The following CORO1C variants were observed in gnomAD, a reference collection of about 807,000 sequenced individuals.
CORO1C encodes the protein coronin 1C.
A neutral mutation model predicts 51.2 loss-of-function variants in CORO1C; 14 were observed. The ratio of observed to expected loss-of-function variants is 0.27; its 90% CI spans 0.18 to 0.43. The LOEUF (loss-of-function observed/expected upper bound fraction) is 0.43. Among genes scored for constraint, CORO1C ranks in the 20% least tolerant of loss-of-function variants. The pLI, the probability that CORO1C is intolerant of heterozygous loss-of-function variation, is 1.00. For missense variants in CORO1C, 417 were observed against 607.8 expected (o/e 0.69, Z 3.30); for synonymous variants, 181 against 210.5 (o/e 0.86, Z 1.21).
intron 6 of CORO1C, 25 bp downstream of exon 6, chr12:108,657,279 A>G (rs1224517875): frequency 6.2e-6 from 10 of 1,608,426 alleles, no homozygotes; most frequent in African/African-American, 5.4e-5. Flanking sequence ...AGTGAAAGCA[A>G]GTGGAAAGCC....
chr12:108,698,782 C>T (rs933521093), intron 2 of CORO1C, among the ~76,000 whole-genome samples: 5 of 152,218 alleles, frequency 3.3e-5, no homozygotes, highest in Non-Finnish European at 7.3e-5. Context: ...AGAGACACAT[C>T]CACGTCCCAC....
intron 3 of CORO1C, chr12:108,668,346 A>G (rs142546420): frequency 3.7e-4 from 56 of 152,336 alleles, no homozygotes; most frequent in African/African-American, 1.2e-3. Context: ...CCCAGATGCA[A>G]TCTGTACAAA....
intron 1 of CORO1C, among the ~76,000 whole-genome samples, chr12:108,726,877 G>A (rs1246806240): frequency 2.6e-5 from 4 of 152,272 alleles, no homozygotes; most frequent in East Asian, 1.9e-4. Context: ...GAACCTGGAC[G>A]AGAATGTTCT....
chr12:108,647,292 T>C lies in CORO1C; in HGVS notation c.*111A>G, dbSNP rs2032402268. On this transcript the variant is annotated 3_prime_UTR_variant, in exon 11 of 11. Coordinates refer to ENST00000261401, the MANE Select transcript of CORO1C (RefSeq NM_014325.4). ...TGGTTGACAAATCTGAAATGGAATG[T>C]CTCCAAATGGCAGTGCCTCCCTTTC... 1 of 942,042 alleles carries C rather than the reference T, an allele frequency of 1.1e-6. No homozygotes were observed. Among genetic ancestry groups the C allele is most frequent in the Admixed American group, 2.9e-5 (1 of 35,016 alleles). The allele number at this position is 942,042 out of a possible 1,614,324, so 58.4% of individuals were successfully genotyped here.
intron 1 of CORO1C, among the ~76,000 whole-genome samples, chr12:108,728,498 ATGAAAATGTTC>A (rs1377189936): frequency 6.6e-6 from 1 of 152,026 alleles, no homozygotes; most frequent in Non-Finnish European, 1.5e-5. Flanking sequence ...TTTGGGGGGG[ATGAAAATGTTC>A]TAAAATTGAC....
At chr12:108,698,431 G>A (rs955399461) in intron 2 of CORO1C, among the ~76,000 whole-genome samples, 4 of 152,162 alleles carry the variant, frequency 2.6e-5, no homozygotes, top group East Asian at 1.9e-4. Flanking sequence ...TTTTTGAGAC[G>A]GAGTCTCACT....
chr12:108,692,794 C>CTTTTTTT (rs11447073), intron 2 of CORO1C, among the ~76,000 whole-genome samples: 6 of 111,662 alleles, frequency 5.4e-5, no homozygotes, highest in Admixed American at 1.0e-4. Flanking sequence ...TAGACCACAG[C>CTTTTTTT]TTTTTTTTTT....
At chr12:108,662,202 CT>C in intron 3 of CORO1C, 44 bp from the exon 4 acceptor site, 1 of 1,579,758 alleles carries the variant, frequency 6.3e-7, no homozygotes, top group Non-Finnish European at 8.7e-7. Context: ...AAGCTATTGC[CT>C]TTCATTATCA....
Position 108,647,298 on chromosome 12 carries a change from A to T in CORO1C, c.*105T>A. On this transcript the variant is annotated 3_prime_UTR_variant, in exon 11 of 11. Transcript: ENST00000261401. ...ACAAATCTGAAATGGAATGTCTCCA[A>T]ATGGCAGTGCCTCCCTTTCCGCCCT... The T allele has an allele frequency of 9.8e-7, 1 of 1,025,450 alleles. No homozygotes were observed. Among genetic ancestry groups the T allele is most frequent in the Non-Finnish European group, 1.4e-6 (1 of 721,452 alleles). The allele number at this position is 1,025,450 out of a possible 1,614,324, so 63.5% of individuals were successfully genotyped here. A position where few individuals can be genotyped will look rare whatever the true frequency, so the allele number is the denominator to read the frequency against.
intron 2 of CORO1C, among the ~76,000 whole-genome samples, chr12:108,696,644 T>A (rs1649675877): frequency 6.6e-6 from 1 of 152,200 alleles, no homozygotes; most frequent in African/African-American, 2.4e-5. Flanking sequence ...AAAAAAAGTA[T>A]TCCTCATAGC....
In CORO1C at chr12:108,645,111, T is replaced by C. The variant is rs995170169; in HGVS notation, c.*2292A>G. 6.6e-6 allele frequency: 1 copy of C among 152,142 alleles called. No individual in the cohort carries two copies. The highest frequency in any genetic ancestry group is 2.4e-5 in the African/African-American group (1 of 41,424). The allele number at this position is 152,142 out of a possible 1,614,324, so 9.4% of individuals were successfully genotyped here. A position where few individuals can be genotyped will look rare whatever the true frequency, so the allele number is the denominator to read the frequency against. ...GCGTGAAATAAACACAAACACCATTTTGTAATCAATGATTTTTATCTCTGA... is the reference window on the plus strand; with the variant it reads ...GCGTGAAATAAACACAAACACCATTCTGTAATCAATGATTTTTATCTCTGA... On this transcript the variant is annotated 3_prime_UTR_variant, in exon 11 of 11. Coordinates refer to ENST00000261401, the MANE Select transcript of CORO1C (RefSeq NM_014325.4).
At chr12:108,650,361 G>A (rs1359399135) in intron 8 of CORO1C, among the ~76,000 whole-genome samples, 4 of 151,736 alleles carry the variant, frequency 2.6e-5, no homozygotes, top group Non-Finnish European at 4.4e-5. Context: ...TTAATGTTTT[G>A]TAGAGACAGG....
Position 108,657,379 on chromosome 12 carries a change from G to A in CORO1C, c.675C>T (p.Ile225=). Residue 225 remains isoleucine, a synonymous_variant, in exon 6 of 11, where the codon ATC becomes ATT. Transcript: ENST00000261401. The part of the protein sequence containing the change: ...AHEGARPMRA[I]FLADGNVFTT... ...TGAAGACATTGCCATCGGCCAGGAA[G>A]ATGGCTCTCATGGGTCTTGCTCCTT... 6.2e-7 allele frequency: 1 copy of A among 1,614,124 alleles called. No homozygotes were observed. Among genetic ancestry groups the A allele is most frequent in the Non-Finnish European group, 8.5e-7 (1 of 1,179,980 alleles).
intron 6 of CORO1C, among the ~76,000 whole-genome samples, chr12:108,655,143 A>G (rs2032882568): frequency 6.6e-6 from 1 of 152,098 alleles, no homozygotes; most frequent in Admixed American, 6.5e-5. Flanking sequence ...TATCATTTTG[A>G]TCTATTTCCT....
At chr12:108,657,490 G>A (rs2033078432) in intron 5 of CORO1C, 67 bp from the exon 6 acceptor site, 2 of 1,562,282 alleles carry the variant, frequency 1.3e-6, no homozygotes, top group Non-Finnish European at 1.7e-6. Context: ...GAGAAACTCG[G>A]GCACAGATCC....
chr12:108,715,860 G>A (rs372286353), intron 1 of CORO1C, among the ~76,000 whole-genome samples: 1 of 151,904 alleles, frequency 6.6e-6, no homozygotes, highest in Non-Finnish European at 1.5e-5. Flanking sequence ...GAGGCCGGGC[G>A]GGGTGGCTCA....
At chr12:108,703,331 T>C (rs772048316) in intron 1 of CORO1C, among the ~76,000 whole-genome samples, 21 of 152,154 alleles carry the variant, frequency 1.4e-4, no homozygotes, top group Non-Finnish European at 2.6e-4. Flanking sequence ...ACAAAGGATA[T>C]GAAGAATTTA....
chr12:108,654,633 T>C (rs1177260425), intron 6 of CORO1C, among the ~76,000 whole-genome samples: 1 of 152,026 alleles, frequency 6.6e-6, no homozygotes, highest in Non-Finnish European at 1.5e-5. Flanking sequence ...GACAACATAA[T>C]GCGCGCATAC....
chr12:108,729,061 T>G (rs2035655512), intron 1 of CORO1C, among the ~76,000 whole-genome samples: 1 of 152,116 alleles, frequency 6.6e-6, no homozygotes, highest in Non-Finnish European at 1.5e-5. Flanking sequence ...TATGAGAAAT[T>G]AAAATTTTGC....
Sources: gnomAD v4.1 joint callset for allele counts (sites outside exome capture counted in the v4.1 genomes callset) on GRCh38, gnomAD v4.1.1 for gene constraint, MANE v1.5 for transcripts, NCBI Gene and HGNC (gene_info 2026-07-23, HGNC 2026-07-21) for gene names.